Variants in FCER2 observed in about 807,000 individuals in gnomAD.
FCER2 encodes the protein low affinity immunoglobulin epsilon Fc receptor.
FCER2 carries 38 observed loss-of-function variants against 49.7 expected under a neutral mutation model. The ratio of observed to expected loss-of-function variants is 0.76; its 90% CI spans 0.59 to 1.00. The LOEUF is 1.00. Among genes scored for constraint, FCER2 ranks in the 50% least tolerant of loss-of-function variants. The pLI, the probability that FCER2 is intolerant of heterozygous loss-of-function variation, is 0.00. For synonymous variants in FCER2, 163 were observed against 164.6 expected, an observed-to-expected ratio of 0.99 and a Z score of 0.07; for missense variants, 425 against 419.5, an observed-to-expected ratio of 1.01 and a Z score of -0.11.
intron 8 of FCER2, among the ~76,000 whole-genome samples, chr19:7,692,638 C>T (rs944829669): frequency 1.3e-5 from 2 of 149,360 alleles, no homozygotes; most frequent in Non-Finnish European, 2.9e-5. Flanking sequence ...ACACCATCGC[C>T]ATCAGCACTT....
chr19:7,701,770 C>T lies in FCER2; in HGVS notation c.-86+245G>A, dbSNP rs975506710. Among the ~76,000 whole-genome samples, 16 of 151,958 alleles carry T rather than the reference C, an allele frequency of 1.1e-4. 1 individual carries two copies. In the South Asian group the frequency reaches 1.7e-3, roughly 16 times the overall value. ...CCAGGGCCCTCTATGATCGGCCCAG[C>T]GCACTCACCAAGCTCATCTCAGACC... On this transcript the variant is annotated intron_variant, in intron 1 of 10. Coordinates refer to ENST00000597921, the MANE Select transcript of FCER2 (RefSeq NM_001220500.2).
Position 7,699,764 on chromosome 19 carries a change from G to T in FCER2, c.-4C>A, listed in dbSNP as rs368902365. On this transcript the variant is annotated 5_prime_UTR_variant, in exon 2 of 11. Coordinates refer to ENST00000597921, the MANE Select transcript of FCER2 (RefSeq NM_001220500.2). ...CTGAATATTGACCTTCCTCCATGGC[G>T]GTCCTGCTTGGATTCTCCCGATGAT... 6 of 1,613,780 alleles carry T rather than the reference G, an allele frequency of 3.7e-6. No homozygotes were observed. In the South Asian group the frequency reaches 6.6e-5, roughly 18 times the overall value.
At chr19:7,697,323 T>G (rs780566367) in intron 5 of FCER2, 25 bp from the exon 6 acceptor site, 4 of 1,613,016 alleles carry the variant, frequency 2.5e-6, no homozygotes, top group Non-Finnish European at 3.4e-6. Flanking sequence ...GGGGGCTTCA[T>G]GGTAAGCAGG....
intron 8 of FCER2, among the ~76,000 whole-genome samples, chr19:7,693,370 C>A (rs769079245): frequency 9.0e-4 from 137 of 152,202 alleles, no homozygotes; most frequent in Non-Finnish European, 1.6e-3. Context: ...CCCTTCCCCC[C>A]ACCGCAGTGA....
chr19:7,697,200 C>G, intron 6 of FCER2, 36 bp downstream of exon 6: 1 of 1,611,760 alleles, frequency 6.2e-7, no homozygotes, highest in Middle Eastern at 1.7e-4. Context: ...CCTTCCCACC[C>G]AATCTGGCTT....
chr19:7,698,706 T>A (rs376301496), intron 3 of FCER2, 35 bp downstream of exon 3: 4 of 1,604,238 alleles, frequency 2.5e-6, no homozygotes, highest in Non-Finnish European at 2.6e-6. Context: ...GCCCCATGAG[T>A]TGGGGGGACC....
intron 8 of FCER2, among the ~76,000 whole-genome samples, chr19:7,692,586 G>A (rs865836865): frequency 9.2e-5 from 14 of 151,738 alleles, no homozygotes; most frequent in Middle Eastern, 3.4e-3. Flanking sequence ...CCCTAACACT[G>A]TCACCACAAA....
chr19:7,691,538 A>G lies in FCER2; in HGVS notation c.470-981T>C, dbSNP rs373155902. Among the ~76,000 whole-genome samples the G allele has an allele frequency of 4.0e-5, 6 of 151,496 alleles. No individual in the cohort carries two copies. In the East Asian group the frequency reaches 9.7e-4, roughly 25 times the overall value. The stretch of plus-strand genomic sequence containing the variant: ...CACCAACATTATCACCCACATCACC[A>G]GTTCCACAGCCAGCAGCACCTCAGC... On this transcript the variant is annotated intron_variant, in intron 8 of 10. Transcript: ENST00000597921.
At chr19:7,690,348 G>A (rs149647877) in intron 9 of FCER2, 58 bp downstream of exon 9, 16,979 of 1,599,702 alleles carry the variant, frequency 0.011, 129 homozygotes, top group Non-Finnish European at 0.012. Context: ...GTAGAGTGGG[G>A]TGGGGGTCCC....
At chr19:7,689,560 AC>A in intron 10 of FCER2, 130 bp from the exon 11 acceptor site, 1 of 613,026 alleles carries the variant, frequency 1.6e-6, no homozygotes. Flanking sequence ...GGGGACCGGT[AC>A]CTCATTTTGG....
At chr19:7,694,083 C>T (rs967104795) in intron 8 of FCER2, among the ~76,000 whole-genome samples, 19 of 152,064 alleles carry the variant, frequency 1.2e-4, no homozygotes, top group African/African-American at 3.9e-4. Context: ...TGAGCCACCA[C>T]GCCCACCCTC....
At chr19:7,701,897 C>T (rs1000623508) in intron 1 of FCER2, 118 bp downstream of exon 1, 20 of 150,618 alleles carry the variant, frequency 1.3e-4, no homozygotes, top group African/African-American at 4.9e-4. Context: ...CACCACCTCC[C>T]TTCTCTGGTT....
rs1408826203 is a variant in FCER2, at chr19:7,698,853, C to T, written c.24G>A (p.Glu8=). 6.3e-7 allele frequency: 1 copy of T among 1,590,638 alleles called. No individual in the cohort carries two copies. The highest frequency in any genetic ancestry group is 8.5e-7 in the Non-Finnish European group (1 of 1,170,722). The part of the protein sequence containing the change: MEEGQYS[E]IEELPRRRCC... ...ACCGCCTCCTGGGAAGCTCCTCGAT[C>T]TCTGCCGGGGGTGGAGGGACTGACT... Residue 8 remains glutamate (E), a splice_region_variant and synonymous_variant, in exon 3 of 11, where the codon GAG becomes GAA. Coordinates refer to ENST00000597921, the MANE Select transcript of FCER2 (RefSeq NM_001220500.2).
intron 1 of FCER2, 32 bp from the exon 2 acceptor site, chr19:7,699,877 G>A: frequency 1.0e-6 from 1 of 992,762 alleles, no homozygotes; most frequent in South Asian, 1.3e-5. Flanking sequence ...GTTAGGGTGA[G>A]CCATCAAATC....
chr19:7,694,093 C>G (rs2032954584), intron 8 of FCER2, among the ~76,000 whole-genome samples: 1 of 152,172 alleles, frequency 6.6e-6, no homozygotes, highest in African/African-American at 2.4e-5. Flanking sequence ...CGCCCACCCT[C>G]ACATGGTCAG....
intron 8 of FCER2, among the ~76,000 whole-genome samples, chr19:7,695,166 ATGTC>A (rs2032980085): frequency 6.6e-6 from 1 of 152,138 alleles, no homozygotes; most frequent in African/African-American, 2.4e-5. Context: ...CAGTGACTGA[ATGTC>A]TGCTCTCTCT....
At chr19:7,693,301 G>A (rs1336863575) in intron 8 of FCER2, among the ~76,000 whole-genome samples, 2 of 152,132 alleles carry the variant, frequency 1.3e-5, no homozygotes, top group Non-Finnish European at 2.9e-5. Context: ...GCTTTGGTCA[G>A]GAGAGCCAAT....
Position 7,690,167 on chromosome 19 carries a change from C to T in FCER2, c.720G>A (p.Val240=), listed in dbSNP as rs775997166. The change falls in exon 10 of 11, where the codon GTG becomes GTA. Residue 240 remains valine, a synonymous_variant. Transcript: ENST00000597921. Reference sequence around the variant, plus strand: ...AGAGGCCCCCTCCTCACCTGTAGTCCACGTGGCTCCCATCCACCCAGATAA... The same window carrying T: ...AGAGGCCCCCTCCTCACCTGTAGTCTACGTGGCTCCCATCCACCCAGATAA... The part of the protein sequence containing the change: ...GEFIWVDGSH[V]DYSNWAPGEP... The T allele has an allele frequency of 1.1e-5, 18 of 1,608,026 alleles. No homozygotes were observed. In the East Asian group the frequency reaches 3.3e-4, roughly 30 times the overall value.
chr19:7,696,989 G>A, intron 7 of FCER2, 24 bp downstream of exon 7: 2 of 1,565,582 alleles, frequency 1.3e-6, no homozygotes, highest in Non-Finnish European at 1.7e-6. Context: ...CTCCCCCACT[G>A]CCCCATCCCC....
Sources: allele counts gnomAD v4.1 joint callset (sites outside exome capture counted in the v4.1 genomes callset), GRCh38; gene constraint gnomAD v4.1.1; transcripts MANE v1.5; gene names NCBI Gene and HGNC (gene_info 2026-07-23, HGNC 2026-07-21).